The following RAD51B variants were observed in gnomAD, a reference collection of about 807,000 sequenced individuals.
The protein encoded by RAD51B is RAD51 paralog B.
Under a neutral mutation model 42.2 loss-of-function variants are expected in RAD51B, and 38 were observed. The observed-to-expected ratio is 0.90, with a 90% confidence interval of 0.70 to 1.18. The LOEUF is 1.18. RAD51B is among the 50% of genes most tolerant of loss of function. RAD51B has a pLI of 0.00. For synonymous variants in RAD51B, 154 were observed against 145.2 expected, an observed-to-expected ratio of 1.06 and a Z score of -0.43; for missense variants, 373 against 400.7, an observed-to-expected ratio of 0.93 and a Z score of 0.59.
At chr14:67,964,535 A>C (rs2074730352) in intron 7 of RAD51B, among the ~76,000 whole-genome samples, 1 of 152,216 alleles carries the variant, frequency 6.6e-6, no homozygotes, top group South Asian at 2.1e-4. Flanking sequence ...AAAACATTAC[A>C]CAACAACATT....
At chr14:68,543,393 A>G (rs1888066537) in intron 10 of RAD51B, among the ~76,000 whole-genome samples, 1 of 152,230 alleles carries the variant, frequency 6.6e-6, no homozygotes, top group East Asian at 1.9e-4. Flanking sequence ...ATTCCCTAAA[A>G]GCTAGAAATC....
At chr14:67,999,491 T>A (rs1007962115) in intron 7 of RAD51B, among the ~76,000 whole-genome samples, 2 of 152,156 alleles carry the variant, frequency 1.3e-5, no homozygotes, top group Admixed American at 6.5e-5. Context: ...ACATTCCAAG[T>A]CAGTTTGTGA....
At chr14:68,339,095 G>C in intron 8 of RAD51B, 1 of 687,542 alleles carries the variant, frequency 1.5e-6, no homozygotes, top group South Asian at 1.5e-5. Flanking sequence ...TCTCCACCAA[G>C]GTGGTGACCA....
At chr14:67,988,019 A>G (rs1327393229) in intron 7 of RAD51B, among the ~76,000 whole-genome samples, 2 of 149,136 alleles carry the variant, frequency 1.3e-5, no homozygotes, top group African/African-American at 2.6e-5. Flanking sequence ...AACCAAGCAA[A>G]CAAACAAACA....
intron 7 of RAD51B, among the ~76,000 whole-genome samples, chr14:67,928,377 A>C (rs2044602021): frequency 6.6e-6 from 1 of 152,144 alleles, no homozygotes. Flanking sequence ...ATACAGAGAC[A>C]GAGGGAGGGG....
intron 7 of RAD51B, among the ~76,000 whole-genome samples, chr14:67,950,563 T>C (rs892230866): frequency 3.3e-5 from 5 of 152,224 alleles, no homozygotes; most frequent in African/African-American, 1.2e-4. Context: ...TAAGACTGTT[T>C]TGCTTTGTTA....
intron 10 of RAD51B, among the ~76,000 whole-genome samples, chr14:68,577,785 A>G (rs761237261): frequency 4.6e-5 from 7 of 152,056 alleles, no homozygotes; most frequent in Non-Finnish European, 1.5e-5. Flanking sequence ...GACTTGGTCT[A>G]TTTTCTCAAA....
At chr14:68,110,417 A>G (rs7150716) in intron 7 of RAD51B, among the ~76,000 whole-genome samples, 15,774 of 152,000 alleles carry the variant, frequency 0.1, 2,490 homozygotes, top group African/African-American at 0.34. Context: ...CCCTTTCTCC[A>G]TCTGTCTCAA....
chr14:68,604,876 T>C (rs1891382316), intron 10 of RAD51B, among the ~76,000 whole-genome samples: 1 of 152,076 alleles, frequency 6.6e-6, no homozygotes, highest in South Asian at 2.1e-4. Flanking sequence ...TTCTCGTCTT[T>C]TCTTCGGAGA....
rs189461640 is a variant in RAD51B, at chr14:68,063,672, G to T, written c.756+176468G>T. Among the ~76,000 whole-genome samples, 727 of 152,264 alleles carry T rather than the reference G, an allele frequency of 4.8e-3. 7 individuals are homozygous for T. The highest frequency in any genetic ancestry group is 6.8e-3 in the Middle Eastern group (2 of 294). On this transcript the variant is annotated intron_variant, in intron 7 of 10. Coordinates refer to ENST00000471583, the MANE Select transcript of RAD51B (RefSeq NM_133510.4). Reference sequence around the variant, plus strand: ...AATCACTTGAACCCAGGAGGCGGAGGTTGCAGTGAGCCAAGATTGTGCCAC... The same window carrying T: ...AATCACTTGAACCCAGGAGGCGGAGTTTGCAGTGAGCCAAGATTGTGCCAC...
intron 7 of RAD51B, among the ~76,000 whole-genome samples, chr14:68,172,954 GTTAGGCCTTTGTT>G (rs2078900392): frequency 6.6e-6 from 1 of 151,922 alleles, no homozygotes; most frequent in Non-Finnish European, 1.5e-5. Flanking sequence ...ATTACAGGGA[GTTAGGCCTTTGTT>G]TTAGTCTGAA....
At chr14:68,561,034 G>C (rs1341937840) in intron 10 of RAD51B, among the ~76,000 whole-genome samples, 1 of 152,094 alleles carries the variant, frequency 6.6e-6, no homozygotes, top group Admixed American at 6.5e-5. Context: ...GCATGTTTTT[G>C]CCAGGGCCAT....
chr14:68,385,907 A>G (rs1375731584), intron 8 of RAD51B, among the ~76,000 whole-genome samples: 1 of 152,244 alleles, frequency 6.6e-6, no homozygotes, highest in Non-Finnish European at 1.5e-5. Flanking sequence ...TCTGATTTGC[A>G]GATGAAAAAC....
At chr14:68,616,366 G>A (rs941525090), downstream of RAD51B, among the ~76,000 whole-genome samples, 3 of 152,120 alleles carry the variant, frequency 2.0e-5, no homozygotes, top group Non-Finnish European at 4.4e-5. Flanking sequence ...GCTGGATACA[G>A]AATTTGATTT....
chr14:68,429,642 A>G (rs905750948), intron 9 of RAD51B, among the ~76,000 whole-genome samples: 2 of 151,982 alleles, frequency 1.3e-5, no homozygotes, highest in South Asian at 2.1e-4. Context: ...TAGATTGTGG[A>G]TATTAGCCCT....
chr14:67,836,487 CTTT>C (rs61525158), intron 4 of RAD51B, among the ~76,000 whole-genome samples: 9 of 141,524 alleles, frequency 6.4e-5, no homozygotes, highest in Non-Finnish European at 9.3e-5. Flanking sequence ...AAATTAGCCT[CTTT>C]TTTTTTTTTT....
intron 10 of RAD51B, among the ~76,000 whole-genome samples, chr14:68,470,232 C>T (rs921615614): frequency 6.6e-6 from 1 of 152,182 alleles, no homozygotes; most frequent in African/African-American, 2.4e-5. Context: ...CTCAGAACCT[C>T]ACCTGGTTGC....
intron 7 of RAD51B, among the ~76,000 whole-genome samples, chr14:68,250,937 C>T (rs1002292567): frequency 1.1e-4 from 16 of 152,148 alleles, no homozygotes; most frequent in Non-Finnish European, 1.9e-4. Flanking sequence ...ATCAGTTTAC[C>T]ATGGTTTTCA....
chr14:68,022,347 G>A (rs1462950234), intron 7 of RAD51B, among the ~76,000 whole-genome samples: 1 of 152,136 alleles, frequency 6.6e-6, no homozygotes, highest in Non-Finnish European at 1.5e-5. Context: ...TGGGCACCCA[G>A]ATTGATACTA....
Sources: gnomAD v4.1 joint callset for allele counts (sites outside exome capture counted in the v4.1 genomes callset) on GRCh38, gnomAD v4.1.1 for gene constraint, MANE v1.5 for transcripts, NCBI Gene and HGNC (gene_info 2026-07-23, HGNC 2026-07-21) for gene names.